The following MTX2 variants were observed in gnomAD, a reference collection of about 807,000 sequenced individuals.
MTX2 encodes the protein metaxin 2.
Under a neutral mutation model 42.3 loss-of-function variants are expected in MTX2, and 35 were observed. The observed-to-expected ratio is 0.83, with a 90% CI of 0.63 to 1.10. The LOEUF is 1.10. Ranked by LOEUF, MTX2 falls within the 50% of genes least tolerant of loss-of-function variation. The pLI, the probability that MTX2 is intolerant of heterozygous loss-of-function variation, is 0.00. For missense variants in MTX2, 307 were observed against 304.1 expected (o/e 1.01, Z -0.07); for synonymous variants, 119 against 100.9 (o/e 1.18, Z -1.08).
chr2:176,319,503 A>G (rs1684524396), intron 3 of MTX2, among the ~76,000 whole-genome samples: 1 of 146,848 alleles, frequency 6.8e-6, no homozygotes, highest in East Asian at 2.0e-4. Flanking sequence ...AAGCTATCCT[A>G]CCATAGCTTC....
chr2:176,327,576 AT>A (rs35686950), intron 5 of MTX2, among the ~76,000 whole-genome samples: 41 of 145,230 alleles, frequency 2.8e-4, no homozygotes, highest in African/African-American at 9.2e-4. Context: ...TATATATATT[AT>A]TTTTTTTTTC....
chr2:176,336,497 C>T (rs945856159), intron 9 of MTX2, among the ~76,000 whole-genome samples: 3 of 152,040 alleles, frequency 2.0e-5, no homozygotes, highest in African/African-American at 7.2e-5. Flanking sequence ...GTTTATGCAT[C>T]TATTAAAACA....
intron 2 of MTX2, 28 bp downstream of exon 2, chr2:176,296,935 C>A: frequency 6.3e-7 from 1 of 1,595,984 alleles, no homozygotes; most frequent in South Asian, 1.1e-5. Flanking sequence ...TTAAAAATGG[C>A]TTTGTATCAA....
rs1000332929 is a variant in MTX2 at position 176,327,481 on chromosome 2, C to T, written c.285+580C>T. ...TCATAAATATGTTTGGAAATTCTTC[C>T]ATATTAATAGCTGTAGGTATATATC... On this transcript the variant is annotated intron_variant, in intron 5 of 9. Transcript: ENST00000249442. Among the ~76,000 whole-genome samples the T allele has an allele frequency of 3.3e-5, 5 of 150,424 alleles. No individual in the cohort carries two copies. The East Asian group carries it at 9.7e-4, about 29-fold the overall frequency.
intron 9 of MTX2, among the ~76,000 whole-genome samples, chr2:176,331,910 G>A (rs1332802015): frequency 6.6e-6 from 1 of 151,220 alleles, no homozygotes; most frequent in African/African-American, 2.4e-5. Context: ...CTTTAGAGGA[G>A]GCCAGGAGAA....
intron 4 of MTX2, among the ~76,000 whole-genome samples, chr2:176,326,328 A>G (rs962056549): frequency 2.0e-5 from 3 of 151,756 alleles, no homozygotes; most frequent in African/African-American, 7.2e-5. Flanking sequence ...ATTTATTGAT[A>G]TACAATTACT....
intron 9 of MTX2, among the ~76,000 whole-genome samples, chr2:176,333,495 T>A (rs1452074076): frequency 6.6e-6 from 1 of 151,714 alleles, no homozygotes; most frequent in Admixed American, 6.6e-5. Flanking sequence ...AACTGTCACC[T>A]ATCAACTAAA....
chr2:176,282,131 T>TTTTG (rs1339260489), intron 1 of MTX2, among the ~76,000 whole-genome samples: 2 of 134,514 alleles, frequency 1.5e-5, no homozygotes, highest in African/African-American at 2.8e-5. Flanking sequence ...CAGTAGTTTT[T>TTTTG]TTTTTTTTTT....
intron 5 of MTX2, among the ~76,000 whole-genome samples, chr2:176,327,761 C>T (rs903394673): frequency 2.0e-5 from 3 of 150,254 alleles, no homozygotes; most frequent in Non-Finnish European, 4.5e-5. Context: ...AGGATAAATT[C>T]CTGAGAGTGG....
chr2:176,323,468 A>G lies in MTX2; in HGVS notation c.208+4A>G. ...GCAGAATATATGTCTCCATCTGGTAAGTGTGTTTTTTTTTCTTCTCTGTTA... is the reference window on the plus strand; with the variant it reads ...GCAGAATATATGTCTCCATCTGGTAGGTGTGTTTTTTTTTCTTCTCTGTTA... On this transcript the variant is annotated splice_donor_region_variant and intron_variant, in intron 4 of 9. Coordinates refer to ENST00000249442, the MANE Select transcript of MTX2 (RefSeq NM_006554.5). The G allele has an allele frequency of 6.2e-7, 1 of 1,607,872 alleles. No individual in the cohort carries two copies. The highest frequency in any genetic ancestry group is 2.2e-5 in the East Asian group (1 of 44,656).
At chr2:176,308,523 G>A (rs1001387506) in intron 3 of MTX2, among the ~76,000 whole-genome samples, 1 of 152,126 alleles carries the variant, frequency 6.6e-6, no homozygotes, top group African/African-American at 2.4e-5. Flanking sequence ...TCTGGTCCTG[G>A]ACGTTTTTTG....
At chr2:176,333,327 A>G (rs1342116651) in intron 9 of MTX2, among the ~76,000 whole-genome samples, 1 of 151,536 alleles carries the variant, frequency 6.6e-6, no homozygotes, top group Non-Finnish European at 1.5e-5. Flanking sequence ...GTATATGAAG[A>G]TCTTGACTTG....
At chr2:176,324,093 A>C (rs1332342245) in intron 4 of MTX2, among the ~76,000 whole-genome samples, 2 of 151,612 alleles carry the variant, frequency 1.3e-5, no homozygotes, top group Non-Finnish European at 3.0e-5. Flanking sequence ...AAAGCTGATA[A>C]ATAAATGTTA....
intron 1 of MTX2, among the ~76,000 whole-genome samples, chr2:176,271,591 G>A (rs1041201039): frequency 1.3e-5 from 2 of 152,090 alleles, no homozygotes; most frequent in Admixed American, 6.5e-5. Context: ...TCCCACCCCT[G>A]CCATCAGATG....
intron 3 of MTX2, among the ~76,000 whole-genome samples, chr2:176,306,059 C>A (rs956741192): frequency 6.6e-6 from 1 of 151,996 alleles, no homozygotes; most frequent in Admixed American, 6.6e-5. Context: ...GCTATCCCTC[C>A]CCCAGCACCC....
At position 176,323,556 on chromosome 2, in the gene MTX2, A is replaced by T; in HGVS notation, c.208+92A>T. 4 of 1,208,534 alleles carry T rather than the reference A, an allele frequency of 3.3e-6. No homozygotes were observed. The South Asian group carries it at 5.7e-5, about 17-fold the overall frequency. The allele number at this position is 1,208,534 out of a possible 1,614,324, so 74.9% of individuals were successfully genotyped here. On this transcript the variant is annotated intron_variant, in intron 4 of 9. Transcript: ENST00000249442. ...TTGTATCTACATGTTAAAATGCCTG[A>T]TTTTTTTTGTTTACCCTTTGAAGAA... is the stretch of plus-strand genomic sequence containing the variant.
chr2:176,328,816 TC>T (rs1450626547), intron 6 of MTX2, 57 bp from the exon 7 acceptor site: 73 of 1,540,314 alleles, frequency 4.7e-5, no homozygotes, highest in Non-Finnish European at 6.4e-5. Context: ...AAAATAACTT[TC>T]TTTATCCTTT....
Position 176,297,431 on chromosome 2 carries a change from C to T in MTX2, c.89-418C>T, listed in dbSNP as rs142628871. ...TCTAAGCATGGAATTTTTATTGCCA[C>T]GAACTTGTCATCTTTCTTTTGTGTG... On this transcript the variant is annotated intron_variant, in intron 2 of 9. Transcript: ENST00000249442. Among the ~76,000 whole-genome samples the T allele has an allele frequency of 5.1e-4, 77 of 152,260 alleles. 1 individual carries two copies. Among genetic ancestry groups the T allele is most frequent in the African/African-American group, 1.7e-3 (71 of 41,552 alleles).
intron 9 of MTX2, among the ~76,000 whole-genome samples, chr2:176,331,939 C>T (rs1057003194): frequency 4.6e-5 from 7 of 151,230 alleles, no homozygotes; most frequent in Admixed American, 1.3e-4. Context: ...ACTTACTTTT[C>T]TTCTCAGTTA....
Sources: gnomAD v4.1 joint callset for allele counts (sites outside exome capture counted in the v4.1 genomes callset) on GRCh38, gnomAD v4.1.1 for gene constraint, MANE v1.5 for transcripts, NCBI Gene and HGNC (gene_info 2026-07-23, HGNC 2026-07-21) for gene names.